The following SNX6 variants were observed in gnomAD, a reference collection of about 807,000 sequenced individuals.
SNX6 encodes the protein sorting nexin-6.
Under a neutral mutation model 63.0 loss-of-function variants are expected in SNX6, and 34 were observed. The observed-to-expected ratio is 0.54, with a 90% CI of 0.41 to 0.72. SNX6 has a LOEUF of 0.72. Among genes scored for constraint, SNX6 ranks in the 30% least tolerant of loss-of-function variants. The pLI, the probability that SNX6 is intolerant of heterozygous loss-of-function variation, is 0.00. For synonymous variants in SNX6, 170 were observed against 164.2 expected (o/e 1.04, Z -0.27); for missense variants, 398 against 471.4 (o/e 0.84, Z 1.44).
intron 7 of SNX6, among the ~76,000 whole-genome samples, chr14:34,595,474 C>G (rs1365191585): frequency 4.6e-5 from 7 of 152,148 alleles, no homozygotes; most frequent in Non-Finnish European, 8.8e-5. Context: ...ATAAAACTAA[C>G]TGGCAGGGTT....
rs77009422 is a variant in SNX6, at chr14:34,601,219, CTTTTTTTTTTTTT to C, written c.516+2116_516+2128del. 8.4e-4 allele frequency among the ~76,000 whole-genome samples: 120 copies of C among 142,308 alleles called. 1 individual carries two copies. Among genetic ancestry groups the C allele is most frequent in the South Asian group, 1.8e-3 (8 of 4,536 alleles). The allele number at this position is 142,308 out of a possible 152,430, so 93.4% of individuals were successfully genotyped here. ...ATTAGTCAATGTGATAACCCTATTT[CTTTTTTTTTTTTT>C]TTTTTTTTTTTGAGACGGAGTCTCG... On this transcript the variant is annotated intron_variant, in intron 6 of 13. Coordinates refer to ENST00000362031, the MANE Select transcript of SNX6 (RefSeq NM_152233.4).
chr14:34,617,188 G>A (rs1235777747), intron 2 of SNX6, among the ~76,000 whole-genome samples: 1 of 152,134 alleles, frequency 6.6e-6, no homozygotes, highest in African/African-American at 2.4e-5. Context: ...AATACACATT[G>A]ATTGGACTGT....
chr14:34,615,513 C>A (rs1460808688), intron 2 of SNX6, among the ~76,000 whole-genome samples: 1 of 151,976 alleles, frequency 6.6e-6, no homozygotes, highest in Non-Finnish European at 1.5e-5. Context: ...TAAGCCACCG[C>A]ACCTGGCTAA....
intron 2 of SNX6, among the ~76,000 whole-genome samples, chr14:34,618,687 G>A (rs571017142): frequency 6.6e-6 from 1 of 152,086 alleles, no homozygotes; most frequent in South Asian, 2.1e-4. Flanking sequence ...GCCGTCTCAG[G>A]GAGTCTTTGC....
intron 2 of SNX6, among the ~76,000 whole-genome samples, chr14:34,616,006 A>G (rs1202276706): frequency 1.3e-5 from 2 of 152,136 alleles, no homozygotes; most frequent in Admixed American, 6.5e-5. Flanking sequence ...ACCAGGCTGG[A>G]GTGCAGTGGC....
At chr14:34,627,453 C>CAA (rs1289371850) in intron 2 of SNX6, among the ~76,000 whole-genome samples, 6 of 135,010 alleles carry the variant, frequency 4.4e-5, no homozygotes, top group East Asian at 2.1e-4. Flanking sequence ...GACTCCGTTT[C>CAA]AAAAAAAAAA....
intron 2 of SNX6, among the ~76,000 whole-genome samples, chr14:34,611,476 CAAAAA>C (rs1379097199): frequency 1.4e-5 from 2 of 143,812 alleles, no homozygotes; most frequent in African/African-American, 5.1e-5. Context: ...AACCCTGTCT[CAAAAA>C]GAAAAAAAAA....
At position 34,622,538 on chromosome 14, in the gene SNX6, G is replaced by A. The variant is rs185441140; in HGVS notation, c.54+7369C>T. On this transcript the variant is annotated intron_variant, in intron 2 of 13. Transcript: ENST00000362031. ...GCGGAGCTTGCAGTGAGCCGAGATCGTGCCACTGCACTCCAGCCTGGGCAA... is the reference window on the plus strand; with the variant it reads ...GCGGAGCTTGCAGTGAGCCGAGATCATGCCACTGCACTCCAGCCTGGGCAA... 6.4e-3 allele frequency among the ~76,000 whole-genome samples: 942 copies of A among 147,336 alleles called. 11 individuals carry two copies. Among genetic ancestry groups the A allele is most frequent in the African/African-American group, 0.023 (901 of 39,572 alleles).
At chr14:34,599,773 C>A (rs865866503) in intron 6 of SNX6, among the ~76,000 whole-genome samples, 41 of 129,344 alleles carry the variant, frequency 3.2e-4, no homozygotes, top group South Asian at 5.3e-4. Context: ...GACTCTGTCT[C>A]AAAAAAAAAA....
At chr14:34,599,307 T>G (rs1882713637) in intron 6 of SNX6, among the ~76,000 whole-genome samples, 1 of 152,116 alleles carries the variant, frequency 6.6e-6, no homozygotes, top group South Asian at 2.1e-4. Context: ...ACAGTGCTCA[T>G]TATAATCTAA....
intron 9 of SNX6, among the ~76,000 whole-genome samples, chr14:34,584,625 T>C (rs1278296992): frequency 6.6e-6 from 1 of 152,032 alleles, no homozygotes; most frequent in Non-Finnish European, 1.5e-5. Context: ...AATTCCCAAA[T>C]GGCAGTTCTT....
At chr14:34,611,833 C>G (rs1489195023) in intron 2 of SNX6, among the ~76,000 whole-genome samples, 2 of 151,050 alleles carry the variant, frequency 1.3e-5, no homozygotes, top group Non-Finnish European at 2.9e-5. Context: ...GACTGGAGTG[C>G]AGTGGCACAA....
intron 8 of SNX6, among the ~76,000 whole-genome samples, chr14:34,589,749 C>T (rs889139881): frequency 4.0e-5 from 6 of 151,830 alleles, no homozygotes; most frequent in South Asian, 2.1e-4. Flanking sequence ...CTTGAACCCA[C>T]GAGACGGGGG....
At chr14:34,612,635 C>T (rs1197754268) in intron 2 of SNX6, among the ~76,000 whole-genome samples, 1 of 151,778 alleles carries the variant, frequency 6.6e-6, no homozygotes, top group Admixed American at 6.6e-5. Context: ...GCTTTTGCCA[C>T]GTTAGCCAGT....
chr14:34,591,847 C>CAT (rs75277332), intron 8 of SNX6, among the ~76,000 whole-genome samples: 130,646 of 152,020 alleles, frequency 0.86, 56,293 homozygotes, highest in Non-Finnish European at 0.88. Flanking sequence ...TATTCATAAA[C>CAT]AGTTTATCAG....
chr14:34,618,667 C>G (rs1313100636), intron 2 of SNX6, among the ~76,000 whole-genome samples: 1 of 151,986 alleles, frequency 6.6e-6, no homozygotes, highest in East Asian at 1.9e-4. Flanking sequence ...TTTGAACACA[C>G]AAACATGCTG....
Position 34,567,902 on chromosome 14 carries a change from G to T in SNX6, c.1033C>A (p.Gln345Lys). ...KDVLQAETSQ[Q>K]LCCQKFEKIS... Reference sequence around the variant, plus strand: ...TTTTCAAATTTCTGACAACATAATTGTTGGGAAGTTTCGGCCTGTAGAACA... The same window carrying T: ...TTTTCAAATTTCTGACAACATAATTTTTGGGAAGTTTCGGCCTGTAGAACA... The change falls in exon 12 of 14, where the codon CAA becomes AAA. Residue 345 changes from glutamine to lysine, a missense_variant. Gln to Lys is a moderately conservative substitution (Grantham distance 53). Transcript: ENST00000362031. The T allele has an allele frequency of 6.2e-7, 1 of 1,613,982 alleles. No individual in the cohort carries two copies. Among genetic ancestry groups the T allele is most frequent in the Non-Finnish European group, 8.5e-7 (1 of 1,180,018 alleles).
At position 34,609,630 on chromosome 14, in the gene SNX6, A is replaced by T. The variant is rs746031783; in HGVS notation, c.159+8T>A. The T allele has an allele frequency of 7.7e-6, 12 of 1,565,704 alleles. No individual in the cohort carries two copies. In the South Asian group the frequency reaches 1.4e-4, roughly 18 times the overall value. The stretch of plus-strand genomic sequence containing the variant: ...CTAAAATAATAGAAAGTACAAAATC[A>T]CATTTACCTTTGTGTGAACAGTGAA... On this transcript the variant is annotated splice_region_variant and intron_variant, in intron 3 of 13. Transcript: ENST00000362031.
chr14:34,567,573 T>C (rs767444810), intron 13 of SNX6, 113 bp downstream of exon 13: 31 of 778,750 alleles, frequency 4.0e-5, no homozygotes, highest in Non-Finnish European at 5.9e-5. Context: ...AGTTCAGGAA[T>C]AGTTGTCACA....
Sources: allele counts gnomAD v4.1 joint callset (sites outside exome capture counted in the v4.1 genomes callset), GRCh38; gene constraint gnomAD v4.1.1; transcripts MANE v1.5; gene names NCBI Gene and HGNC (gene_info 2026-07-23, HGNC 2026-07-21).